Variants in CELF2 observed in about 807,000 individuals in gnomAD.
CELF2 encodes CUGBP Elav-like family member 2.
In CELF2, 8 loss-of-function variants were observed where a neutral mutation model predicts 62.6. The observed-to-expected ratio is 0.13, with a 90% CI of 0.07 to 0.23. The LOEUF is 0.23. Ranked by LOEUF, CELF2 falls within the 10% of genes least tolerant of loss-of-function variation. The pLI is 1.00. For missense variants in CELF2, 333 were observed against 671.0 expected (o/e 0.50, Z 5.56); for synonymous variants, 258 against 250.0 (o/e 1.03, Z -0.30).
the CELF2 span, among the ~76,000 whole-genome samples, chr10:10,569,399 G>A: frequency 1.0e-3 from 156 of 152,202 alleles, 1 homozygote; most frequent in South Asian, 3.7e-3. Context: ...TCACTACCAC[G>A]AGAAAAGTAT....
chr10:10,937,960 C>T (rs1183643984), intron 2 of CELF2, among the ~76,000 whole-genome samples: 1 of 152,114 alleles, frequency 6.6e-6, no homozygotes, highest in Non-Finnish European at 1.5e-5. Flanking sequence ...TTTATTTACT[C>T]CATATGAACT....
the CELF2 span, among the ~76,000 whole-genome samples, chr10:10,671,218 A>G: frequency 7.2e-5 from 11 of 151,924 alleles, no homozygotes; most frequent in Admixed American, 6.6e-4. Context: ...AAAAAAAAAA[A>G]AAGAATTAGG....
chr10:11,149,949 A>G (rs953186953), intron 1 of CELF2, among the ~76,000 whole-genome samples: 1 of 152,210 alleles, frequency 6.6e-6, no homozygotes, highest in Non-Finnish European at 1.5e-5. Flanking sequence ...GGACACAGAA[A>G]AGCTCACAGT....
the CELF2 span, among the ~76,000 whole-genome samples, chr10:10,644,327 C>G: frequency 6.6e-6 from 1 of 152,178 alleles, no homozygotes; most frequent in South Asian, 2.1e-4. Context: ...TTTTTCTTAT[C>G]AAGATAGCAA....
chr10:10,917,545 T>C lies in CELF2; in HGVS notation c.54-2419T>C, dbSNP rs1349785970. Among the ~76,000 whole-genome samples the C allele has an allele frequency of 3.3e-5, 5 of 151,968 alleles. No homozygotes were observed. In the East Asian group the frequency reaches 9.7e-4, roughly 29 times the overall value. ...TAGTAGAGACAGGGTCTCACTGTGT[T>C]GCCCTGGCTGGCCTCAAACTCCTGG... On this transcript the variant is annotated intron_variant, in intron 1 of 13. Transcript: ENST00000636488.
chr10:10,534,203 T>G, the CELF2 span, among the ~76,000 whole-genome samples: 5 of 116,152 alleles, frequency 4.3e-5, no homozygotes, highest in South Asian at 3.1e-4. Context: ...TTCGAAGAGG[T>G]GAGGAGTTGT....
the CELF2 span, among the ~76,000 whole-genome samples, chr10:10,489,243 T>C: frequency 6.6e-6 from 1 of 152,116 alleles, no homozygotes; most frequent in African/African-American, 2.4e-5. Context: ...ACCTCACTTC[T>C]CTAAAGGATT....
chr10:11,078,972 C>T (rs1378162364), intron 1 of CELF2, among the ~76,000 whole-genome samples: 1 of 152,156 alleles, frequency 6.6e-6, no homozygotes, highest in Non-Finnish European at 1.5e-5. Context: ...GATTAAATCA[C>T]TTGAGCAGCT....
rs950564697 is a variant in CELF2 at position 11,314,008 on chromosome 10, T to C, written c.977-131T>C. ...AAATTGCCACAAGTACAATCCCACA[T>C]GTCCTTCACCCAAAGCCACAAGCAC... On this transcript the variant is annotated intron_variant, in intron 9 of 12. Transcript: ENST00000633077. The surrounding 1 kb of genome is among the most constrained non-coding windows in gnomAD (Gnocchi z 5.3). The C allele has an allele frequency of 2.3e-5, 21 of 919,398 alleles. No individual in the cohort carries two copies. The highest frequency in any genetic ancestry group is 3.5e-5 in the Non-Finnish European group (21 of 595,894). The allele number at this position is 919,398 out of a possible 1,614,324, so 57.0% of individuals were successfully genotyped here.
intron 1 of CELF2, among the ~76,000 whole-genome samples, chr10:11,114,152 T>C (rs11256983): frequency 0.04 from 6,058 of 152,316 alleles, 146 homozygotes; most frequent in Non-Finnish European, 0.065. Context: ...ATTTGAGGGT[T>C]TCCTAGTTCT....
intron 2 of CELF2, among the ~76,000 whole-genome samples, chr10:10,980,533 T>C (rs2051960257): frequency 6.6e-6 from 1 of 152,236 alleles, no homozygotes; most frequent in African/African-American, 2.4e-5. Flanking sequence ...TGCTATTTCT[T>C]AAAAACCTCC....
intron 2 of CELF2, among the ~76,000 whole-genome samples, chr10:11,205,427 A>G (rs111987353): frequency 1.3e-5 from 2 of 152,248 alleles, no homozygotes; most frequent in African/African-American, 2.4e-5. Flanking sequence ...AAAGTGGACA[A>G]TAGCTGCTAA....
chr10:10,695,800 G>A, the CELF2 span, among the ~76,000 whole-genome samples: 5 of 151,546 alleles, frequency 3.3e-5, no homozygotes, highest in East Asian at 1.9e-4. Context: ...TGATCGCATC[G>A]GCTCCTGAGG....
rs2078493943 is a variant in CELF2, at chr10:11,255,654, G to A, written c.404-2084G>A. On this transcript the variant is annotated intron_variant, in intron 4 of 12. Coordinates refer to ENST00000633077, the MANE Select transcript of CELF2 (RefSeq NM_001326342.2). The surrounding 1 kb of genome is among the most constrained non-coding windows in gnomAD (Gnocchi z 5.5). ...GTCCCAGGAGCTGTCACAGTGGGGA[G>A]AGAGCTGGGTGGAAGGGATTCTGAC... Among the ~76,000 whole-genome samples the A allele has an allele frequency of 6.6e-6, 1 of 152,120 alleles. No homozygotes were observed. The highest frequency in any genetic ancestry group is 2.4e-5 in the African/African-American group (1 of 41,422).
chr10:10,577,516 C>T, the CELF2 span, among the ~76,000 whole-genome samples: 1 of 151,468 alleles, frequency 6.6e-6, no homozygotes, highest in African/African-American at 2.4e-5. Context: ...CCCCTCACCC[C>T]ACCCCACAAC....
At position 11,207,615 on chromosome 10, in the gene CELF2, G is replaced by A. The variant is rs1028762327; in HGVS notation, c.272-9810G>A. On this transcript the variant is annotated intron_variant, in intron 2 of 12. Coordinates refer to ENST00000633077, the MANE Select transcript of CELF2 (RefSeq NM_001326342.2). This position sits in a 1 kb window ranked among gnomAD's most constrained non-coding sequence, Gnocchi z 4.1. ...GGGCGGTGCGGGTCCCACGCTGCCAGTGTAAGTTTCCCAGGGGAATTCCTG... is the reference window on the plus strand; with the variant it reads ...GGGCGGTGCGGGTCCCACGCTGCCAATGTAAGTTTCCCAGGGGAATTCCTG... 6.6e-6 allele frequency among the ~76,000 whole-genome samples: 1 copy of A among 152,254 alleles called. No homozygotes were observed. Among genetic ancestry groups the A allele is most frequent in the East Asian group, 1.9e-4 (1 of 5,200 alleles).
At chr10:10,510,065 G>C in the CELF2 span, among the ~76,000 whole-genome samples, 2 of 152,198 alleles carry the variant, frequency 1.3e-5, no homozygotes, top group Admixed American at 1.3e-4. Flanking sequence ...GCGTTGCATT[G>C]CTAGCCCTGC....
chr10:10,724,158 T>A, the CELF2 span, among the ~76,000 whole-genome samples: 1 of 152,206 alleles, frequency 6.6e-6, no homozygotes. Context: ...TTCTTTTATT[T>A]TAAGTGAAAA....
chr10:10,567,110 A>G, the CELF2 span, among the ~76,000 whole-genome samples: 1 of 152,210 alleles, frequency 6.6e-6, no homozygotes, highest in Non-Finnish European at 1.5e-5. Flanking sequence ...ATAAGAGCAA[A>G]ATTTCCAGGT....
Sources: gnomAD v4.1 joint callset for allele counts (sites outside exome capture counted in the v4.1 genomes callset) on GRCh38, gnomAD v4.1.1 for gene constraint, Gnocchi (gnomAD v3.1) non-coding constraint, MANE v1.5 for transcripts, NCBI Gene and HGNC (gene_info 2026-07-23, HGNC 2026-07-21) for gene names.